Variants in BCAS4 observed in about 807,000 individuals in gnomAD.
BCAS4 encodes breast carcinoma-amplified sequence 4.
In BCAS4, 9 loss-of-function variants were observed where a neutral mutation model predicts 15.7. That is an observed-to-expected ratio of 0.57 (90% CI 0.34 to 1.00). The LOEUF (loss-of-function observed/expected upper bound fraction) is 1.00. BCAS4 is among the 50% of genes least tolerant of loss of function. The pLI is 0.02. For synonymous variants in BCAS4, 101 were observed against 99.5 expected, an observed-to-expected ratio of 1.02 and a Z score of -0.09; for missense variants, 225 against 239.1, an observed-to-expected ratio of 0.94 and a Z score of 0.39.
chr20:50,817,824 A>G (rs1001587650), intron 1 of BCAS4, among the ~76,000 whole-genome samples: 1 of 151,342 alleles, frequency 6.6e-6, no homozygotes, highest in African/African-American at 2.4e-5. Context: ...GAGGTTGTGG[A>G]CTCCATCTGG....
At position 50,873,828 on chromosome 20, in the gene BCAS4, G is replaced by A. The variant is rs531550860; in HGVS notation, c.400-2658G>A. Among the ~76,000 whole-genome samples, 7 of 152,298 alleles carry A rather than the reference G, an allele frequency of 4.6e-5. No individual in the cohort carries two copies. In the East Asian group the frequency reaches 5.8e-4, roughly 13 times the overall value. ...ATTGGCTGGGCACAACGTTCCATTC[G>A]CCGTGTTTGAGGTTCACCCTTGGCC... On this transcript the variant is annotated intron_variant, in intron 4 of 4. Transcript: ENST00000371608.
At chr20:50,810,773 G>C (rs1198604147) in intron 1 of BCAS4, among the ~76,000 whole-genome samples, 2 of 151,944 alleles carry the variant, frequency 1.3e-5, no homozygotes, top group East Asian at 3.9e-4. Flanking sequence ...TGTATTTTTA[G>C]TAGAGACGGG....
rs55685532 is a variant in BCAS4, at chr20:50,869,742, C to CTTTT, written c.400-6723_400-6720dup. On this transcript the variant is annotated intron_variant, in intron 4 of 4. Coordinates refer to ENST00000371608, the MANE Select transcript of BCAS4 (RefSeq NM_198799.4). ...AGGGATCAAATCTGGCCTGGCACTG[C>CTTTT]TTTTTTTTTTTTTTTTTTTTTTTTG... Among the ~76,000 whole-genome samples the CTTTT allele has an allele frequency of 5.1e-3, 395 of 77,644 alleles. 12 individuals are homozygous for CTTTT. The highest frequency in any genetic ancestry group is 6.5e-3 in the African/African-American group (107 of 16,434). The allele number at this position is 77,644 out of a possible 152,430, so 50.9% of individuals were successfully genotyped here.
intron 4 of BCAS4, among the ~76,000 whole-genome samples, chr20:50,860,413 T>C (rs1350989216): frequency 6.6e-6 from 1 of 152,178 alleles, no homozygotes; most frequent in Non-Finnish European, 1.5e-5. Context: ...ACCCTTCCTG[T>C]CCTCCAACTC....
intron 4 of BCAS4, among the ~76,000 whole-genome samples, chr20:50,842,175 G>A (rs986861522): frequency 2.6e-5 from 4 of 152,134 alleles, no homozygotes; most frequent in Non-Finnish European, 4.4e-5. Flanking sequence ...AACAGCTCCC[G>A]CCCTCCTGCC....
At chr20:50,811,661 CG>C (rs2088064397) in intron 1 of BCAS4, among the ~76,000 whole-genome samples, 1 of 152,168 alleles carries the variant, frequency 6.6e-6, no homozygotes, top group South Asian at 2.1e-4. Flanking sequence ...CTCGTTCTCT[CG>C]CCGAGGCTGG....
At chr20:50,858,978 G>C (rs13044695) in intron 4 of BCAS4, among the ~76,000 whole-genome samples, 32,904 of 151,234 alleles carry the variant, frequency 0.22, 3,687 homozygotes, top group African/African-American at 0.28. Context: ...CTGTCACCCA[G>C]GCTGGAGTGC....
intron 3 of BCAS4, among the ~76,000 whole-genome samples, chr20:50,836,163 G>T (rs957270393): frequency 6.6e-6 from 1 of 152,114 alleles, no homozygotes; most frequent in Non-Finnish European, 1.5e-5. Flanking sequence ...TGATCTGCCC[G>T]CTTCAGCCTC....
chr20:50,816,688 A>G (rs2088141075), intron 1 of BCAS4, among the ~76,000 whole-genome samples: 1 of 143,976 alleles, frequency 6.9e-6, no homozygotes, highest in South Asian at 2.2e-4. Flanking sequence ...ACAAGTTCTC[A>G]CTCTGTCGCC....
chr20:50,861,846 CTTTTTTTTTTTTTT>C lies in BCAS4; in HGVS notation c.400-14629_400-14616del, dbSNP rs773052138. On this transcript the variant is annotated intron_variant, in intron 4 of 4. Transcript: ENST00000371608. ...CTTTCTTTTCTTTCTTCTTCTTCTC[CTTTTTTTTTTTTTT>C]TTTTTTTTTTAGATACGGGTTCTTG... Among the ~76,000 whole-genome samples the C allele has an allele frequency of 2.0e-3, 223 of 109,282 alleles. 1 individual carries two copies. Among genetic ancestry groups the C allele is most frequent in the African/African-American group, 7.9e-3 (202 of 25,506 alleles). 71.7% of individuals were successfully genotyped at this position (109,282 alleles called of 152,430 possible).
At chr20:50,830,133 G>A (rs2088325858) in intron 2 of BCAS4, 146 bp from the exon 3 acceptor site, 15 of 647,960 alleles carry the variant, frequency 2.3e-5, no homozygotes, top group Non-Finnish European at 3.7e-5. Context: ...GGGGCTCTGA[G>A]TTGTTCTTGG....
chr20:50,818,552 A>G (rs1019850811), intron 2 of BCAS4, among the ~76,000 whole-genome samples: 3 of 152,198 alleles, frequency 2.0e-5, no homozygotes, highest in Non-Finnish European at 4.4e-5. Flanking sequence ...AGGAGCCAGG[A>G]GTGGACCACA....
intron 1 of BCAS4, among the ~76,000 whole-genome samples, chr20:50,809,997 T>C (rs2088040957): frequency 6.6e-6 from 1 of 152,130 alleles, no homozygotes; most frequent in Non-Finnish European, 1.5e-5. Context: ...TTGTAGGAGC[T>C]TTTTGGAGGA....
intron 4 of BCAS4, among the ~76,000 whole-genome samples, chr20:50,874,571 G>T (rs956419317): frequency 1.3e-5 from 2 of 152,206 alleles, no homozygotes; most frequent in South Asian, 4.1e-4. Context: ...GGCTGGGATG[G>T]TTGTCTTGTT....
intron 4 of BCAS4, among the ~76,000 whole-genome samples, chr20:50,872,495 C>T (rs1417014815): frequency 6.6e-6 from 1 of 151,110 alleles, no homozygotes; most frequent in African/African-American, 2.4e-5. Flanking sequence ...GGCGTGAACC[C>T]AGGAGGCAGA....
chr20:50,870,084 C>G (rs914273252), intron 4 of BCAS4, among the ~76,000 whole-genome samples: 1 of 152,206 alleles, frequency 6.6e-6, no homozygotes, highest in Non-Finnish European at 1.5e-5. Flanking sequence ...TATTGGCACA[C>G]AGCCATGCCT....
At chr20:50,853,718 G>GGGGATGTTTTGTATACT (rs1568678754) in intron 4 of BCAS4, among the ~76,000 whole-genome samples, 19 of 11,736 alleles carry the variant, frequency 1.6e-3, no homozygotes, top group Admixed American at 4.5e-3. Context: ...TTTGTGTACT[G>GGGGATGTTTTGTATACT]GGGGGTGTTT....
chr20:50,824,777 G>C (rs771755750), intron 2 of BCAS4, among the ~76,000 whole-genome samples: 3 of 152,204 alleles, frequency 2.0e-5, no homozygotes, highest in Non-Finnish European at 4.4e-5. Flanking sequence ...TTGCCATGTG[G>C]AACATGGGCT....
chr20:50,834,860 A>G (rs2088387635), intron 3 of BCAS4, among the ~76,000 whole-genome samples: 1 of 152,146 alleles, frequency 6.6e-6, no homozygotes, highest in Non-Finnish European at 1.5e-5. Flanking sequence ...TTCAAGGTTC[A>G]TCTATGTTGT....
Sources: gnomAD v4.1 joint callset for allele counts (sites outside exome capture counted in the v4.1 genomes callset) on GRCh38, gnomAD v4.1.1 for gene constraint, MANE v1.5 for transcripts, NCBI Gene and HGNC (gene_info 2026-07-23, HGNC 2026-07-21) for gene names.